UBE3D: variants seen among roughly 807,000 people sequenced by gnomAD.
The protein encoded by UBE3D is ubiquitin protein ligase E3D.
In UBE3D, 48 loss-of-function variants were observed where a neutral mutation model predicts 49.6. That is an observed-to-expected ratio of 0.97 (90% CI 0.77 to 1.23). The LOEUF (loss-of-function observed/expected upper bound fraction) is 1.23, where lower values mean the gene tolerates loss of function less well. UBE3D is among the 50% of genes most tolerant of loss of function. The probability of loss-of-function intolerance (pLI) is 0.00; values close to 1 mark genes in which losing one functional copy is unlikely to be tolerated. For missense variants in UBE3D, 452 were observed against 468.4 expected, an observed-to-expected ratio of 0.96 and a Z score of 0.32; for synonymous variants, 189 against 174.2, an observed-to-expected ratio of 1.08 and a Z score of -0.67.
chr6:83,046,721 T>A (rs1298511976), intron 3 of UBE3D, among the ~76,000 whole-genome samples: 1 of 149,750 alleles, frequency 6.7e-6, no homozygotes, highest in African/African-American at 2.5e-5. Flanking sequence ...TCCCTTTGAA[T>A]ATTTAAGAAA....
intron 1 of UBE3D, 96 bp downstream of exon 1, chr6:83,065,546 C>T (rs1332624662): frequency 2.5e-6 from 3 of 1,206,688 alleles, no homozygotes; most frequent in East Asian, 2.6e-5. Flanking sequence ...AAAGAAGAAA[C>T]TCAAAATCCC....
At chr6:82,964,304 T>C (rs982174620) in intron 8 of UBE3D, among the ~76,000 whole-genome samples, 5 of 152,312 alleles carry the variant, frequency 3.3e-5, no homozygotes, top group African/African-American at 1.2e-4. Flanking sequence ...AGAAAGGTGA[T>C]ATAGTCTTCT....
chr6:82,912,538 T>C (rs1021498743), intron 9 of UBE3D, among the ~76,000 whole-genome samples: 4 of 152,178 alleles, frequency 2.6e-5, no homozygotes, highest in African/African-American at 9.7e-5. Flanking sequence ...TGTAATACTC[T>C]ACTTTCGACT....
At chr6:82,962,284 C>G (rs951686531) in intron 8 of UBE3D, among the ~76,000 whole-genome samples, 2 of 152,142 alleles carry the variant, frequency 1.3e-5, no homozygotes, top group African/African-American at 4.8e-5. Context: ...TTAAATGCTA[C>G]TTAAAAGTTT....
At chr6:82,908,447 C>T (rs1772261416) in intron 9 of UBE3D, among the ~76,000 whole-genome samples, 1 of 152,100 alleles carries the variant, frequency 6.6e-6, no homozygotes, top group Non-Finnish European at 1.5e-5. Flanking sequence ...ACAATGTACA[C>T]TATTTGGGTG....
chr6:82,907,632 T>C (rs58578814), intron 9 of UBE3D, among the ~76,000 whole-genome samples: 24,160 of 152,016 alleles, frequency 0.16, 2,067 homozygotes, highest in Admixed American at 0.28. Flanking sequence ...GAAATGCAAA[T>C]GAAAATCATA....
At chr6:82,905,835 T>C (rs150807526) in intron 9 of UBE3D, among the ~76,000 whole-genome samples, 49 of 152,254 alleles carry the variant, frequency 3.2e-4, no homozygotes, top group African/African-American at 1.2e-3. Flanking sequence ...TTTTAGCTTA[T>C]AAAAAATTTC....
chr6:83,038,288 A>G, intron 5 of UBE3D, 128 bp downstream of exon 5: 4 of 739,472 alleles, frequency 5.4e-6, no homozygotes, highest in South Asian at 1.8e-5. Flanking sequence ...CTTGGGGTCT[A>G]TTTTGAAAAG....
In UBE3D at chr6:83,057,905, A is replaced by C; in HGVS notation, c.195T>G (p.Pro65=). The part of the protein sequence containing the change: ...IQLPAEVRLV[P]SSCRGLQFVV... ...CAAACTGTAGCCCACGGCAAGAGGA[A>C]GGTACAAGCCTGACCTCTGCTGGAA... The change falls in exon 2 of 10, where the codon CCT becomes CCG. Residue 65 remains proline (P), a synonymous_variant. Transcript: ENST00000369747. The C allele has an allele frequency of 6.2e-7, 1 of 1,614,228 alleles. No homozygotes were observed. Among genetic ancestry groups the C allele is most frequent in the Non-Finnish European group, 8.5e-7 (1 of 1,180,028 alleles).
intron 5 of UBE3D, among the ~76,000 whole-genome samples, chr6:83,029,702 TTG>T (rs1188705854): frequency 1.7e-4 from 26 of 152,234 alleles, no homozygotes; most frequent in Admixed American, 1.6e-3. Flanking sequence ...ACTGTGGATT[TTG>T]TGTTGCTCTT....
intron 8 of UBE3D, among the ~76,000 whole-genome samples, chr6:82,995,727 A>G (rs1460368742): frequency 1.3e-5 from 2 of 152,200 alleles, no homozygotes; most frequent in African/African-American, 4.8e-5. Context: ...AAACGCGTCA[A>G]CTAGAAAAGC....
At chr6:82,909,460 T>C (rs73475795) in intron 9 of UBE3D, among the ~76,000 whole-genome samples, 1,903 of 152,324 alleles carry the variant, frequency 0.012, 50 homozygotes, top group African/African-American at 0.043. Context: ...GCTAAGCCAT[T>C]CAAGAGATAT....
intron 8 of UBE3D, among the ~76,000 whole-genome samples, chr6:82,993,118 G>T (rs539522719): frequency 6.6e-6 from 1 of 151,980 alleles, no homozygotes; most frequent in African/African-American, 2.4e-5. Context: ...ACGGGGTCGG[G>T]GGGGAGAGAG....
intron 5 of UBE3D, among the ~76,000 whole-genome samples, chr6:83,028,264 T>C (rs979772905): frequency 2.6e-5 from 4 of 152,250 alleles, no homozygotes; most frequent in African/African-American, 9.6e-5. Context: ...GGTGGAAGTC[T>C]AGTTTACTTG....
intron 4 of UBE3D, among the ~76,000 whole-genome samples, chr6:83,039,562 A>C (rs1782502868): frequency 6.6e-6 from 1 of 152,166 alleles, no homozygotes; most frequent in African/African-American, 2.4e-5. Context: ...TTTTCCAAAC[A>C]ACAGCTCATG....
At chr6:83,060,154 T>C (rs1339242856) in intron 1 of UBE3D, among the ~76,000 whole-genome samples, 1 of 152,088 alleles carries the variant, frequency 6.6e-6, no homozygotes, top group Non-Finnish European at 1.5e-5. Flanking sequence ...GGCTTCAACA[T>C]GTACATTTTG....
chr6:82,946,747 A>C (rs190324403), intron 9 of UBE3D, among the ~76,000 whole-genome samples: 1 of 152,114 alleles, frequency 6.6e-6, no homozygotes, highest in Non-Finnish European at 1.5e-5. Flanking sequence ...AAAAATTAAA[A>C]AGTTAATTAA....
chr6:82,892,882 T>G lies in UBE3D; in HGVS notation c.*140A>C. 2.9e-6 allele frequency: 3 copies of G among 1,019,534 alleles called. No homozygotes were observed. The highest frequency in any genetic ancestry group is 4.6e-6 in the Non-Finnish European group (3 of 654,770). 63.2% of individuals were successfully genotyped at this position (1,019,534 alleles called of 1,614,324 possible). On this transcript the variant is annotated 3_prime_UTR_variant, in exon 10 of 10. Coordinates refer to ENST00000369747, the MANE Select transcript of UBE3D (RefSeq NM_198920.3). ...GAGAATACATGCAAACAAGTAAACT[T>G]AAAACTTCAATGCAATGCTCTTATC...
In UBE3D at chr6:82,904,283, A is replaced by T. The variant is rs913204168; in HGVS notation, c.1150-11241T>A. On this transcript the variant is annotated intron_variant, in intron 9 of 9. Coordinates refer to ENST00000369747, the MANE Select transcript of UBE3D (RefSeq NM_198920.3). The stretch of plus-strand genomic sequence containing the variant: ...ACAATATTATTCAAGGACCTGCCAA[A>T]CGTCATTTTACTTAAAGTCACAGTT... Among the ~76,000 whole-genome samples, 17 of 152,208 alleles carry T rather than the reference A, an allele frequency of 1.1e-4. 1 individual carries two copies. The highest frequency in any genetic ancestry group is 4.4e-5 in the Non-Finnish European group (3 of 68,036).
Sources: gnomAD v4.1 joint callset for allele counts (sites outside exome capture counted in the v4.1 genomes callset) on GRCh38, gnomAD v4.1.1 for gene constraint, MANE v1.5 for transcripts, NCBI Gene and HGNC (gene_info 2026-07-23, HGNC 2026-07-21) for gene names.